PLD5: variants seen among roughly 807,000 people sequenced by gnomAD.
PLD5 encodes the protein inactive phospholipase D5.
In PLD5, 36 loss-of-function variants were observed where a neutral mutation model predicts 61.1. The observed-to-expected ratio is 0.59, with a 90% confidence interval of 0.45 to 0.78. The LOEUF (loss-of-function observed/expected upper bound fraction) is 0.78, where lower values mean the gene tolerates loss of function less well. PLD5 is among the 30% of genes least tolerant of loss of function. The pLI is 0.00. For synonymous variants in PLD5, 243 were observed against 242.8 expected, an observed-to-expected ratio of 1.00 and a Z score of -0.01; for missense variants, 515 against 644.4, an observed-to-expected ratio of 0.80 and a Z score of 2.17.
chr1:242,266,101 C>T (rs1673652510), intron 3 of PLD5, among the ~76,000 whole-genome samples: 1 of 152,190 alleles, frequency 6.6e-6, no homozygotes, highest in South Asian at 2.1e-4. Context: ...TTCAGCCAGG[C>T]ATGGTGGTTC....
At position 242,234,864 on chromosome 1, in the gene PLD5, G is replaced by A. The variant is rs117568713; in HGVS notation, c.608-14749C>T. Among the ~76,000 whole-genome samples, 1,011 of 152,194 alleles carry A rather than the reference G, an allele frequency of 6.6e-3. 21 individuals are homozygous for A. The highest frequency in any genetic ancestry group is 0.056 in the East Asian group (290 of 5,166). On this transcript the variant is annotated intron_variant, in intron 4 of 9. Coordinates refer to ENST00000536534, the MANE Select transcript of PLD5 (RefSeq NM_001372062.1). ...GAAAGGCTCTGAAGAAAAGTCCTGT[G>A]GATGGCATCTCTAGTTAGTTCCTGG... is the stretch of plus-strand genomic sequence containing the variant.
intron 5 of PLD5, among the ~76,000 whole-genome samples, chr1:242,163,853 GGAGAAAGGAAACAGTA>G (rs1666091588): frequency 6.6e-6 from 1 of 152,104 alleles, no homozygotes; most frequent in Non-Finnish European, 1.5e-5. Context: ...TCTCTTCACT[GGAGAAAGGAAACAGTA>G]TCCTTTATTT....
chr1:242,125,703 T>A (rs948932575), intron 5 of PLD5, among the ~76,000 whole-genome samples: 2 of 152,198 alleles, frequency 1.3e-5, no homozygotes, highest in African/African-American at 4.8e-5. Flanking sequence ...GGCCCATTGA[T>A]AGTAAACTCC....
At chr1:242,374,478 A>G (rs1308122976) in intron 1 of PLD5, among the ~76,000 whole-genome samples, 2 of 152,098 alleles carry the variant, frequency 1.3e-5, no homozygotes, top group African/African-American at 2.4e-5. Context: ...CTGCTCGCCT[A>G]TCTCTCAATA....
chr1:242,286,594 TTGAC>T (rs1363191935), intron 3 of PLD5, among the ~76,000 whole-genome samples: 1 of 152,132 alleles, frequency 6.6e-6, no homozygotes, highest in Non-Finnish European at 1.5e-5. Flanking sequence ...CCCCTAGAAA[TTGAC>T]TGCCCCCACA....
chr1:242,275,660 G>A (rs889477322), intron 3 of PLD5, among the ~76,000 whole-genome samples: 1 of 152,148 alleles, frequency 6.6e-6, no homozygotes, highest in African/African-American at 2.4e-5. Context: ...TTCCAGGATG[G>A]AGGAAGACAG....
rs867013355 is a variant in PLD5 at position 242,313,550 on chromosome 1, T to C, written c.327-25020A>G. 3.3e-5 allele frequency among the ~76,000 whole-genome samples: 5 copies of C among 152,338 alleles called. No individual in the cohort carries two copies. In the Middle Eastern group the frequency reaches 0.01, roughly 311 times the overall value. On this transcript the variant is annotated intron_variant, in intron 2 of 9. Transcript: ENST00000536534. ...TTAATATAGGCCTGTCCAGGCTTAATGTGAATATACTCATGCTTGATAAAA... is the reference window on the plus strand; with the variant it reads ...TTAATATAGGCCTGTCCAGGCTTAACGTGAATATACTCATGCTTGATAAAA...
At chr1:242,269,285 C>G (rs1574642468) in intron 3 of PLD5, among the ~76,000 whole-genome samples, 2 of 152,326 alleles carry the variant, frequency 1.3e-5, no homozygotes, top group East Asian at 1.9e-4. Flanking sequence ...ATCAGTGTCT[C>G]AGGAACGCTG....
intron 9 of PLD5, among the ~76,000 whole-genome samples, chr1:242,095,224 C>T (rs1055463572): frequency 5.9e-5 from 9 of 151,790 alleles, no homozygotes; most frequent in East Asian, 2.0e-4. Flanking sequence ...CGTGAGCCAT[C>T]GCGTCCGGCA....
At chr1:242,226,944 AT>A (rs1558369636) in intron 4 of PLD5, among the ~76,000 whole-genome samples, 1 of 152,174 alleles carries the variant, frequency 6.6e-6, no homozygotes, top group African/African-American at 2.4e-5. Flanking sequence ...GGTTATTAAA[AT>A]TTTTTTAAAG....
At chr1:242,301,972 G>T (rs1574695955) in intron 2 of PLD5, among the ~76,000 whole-genome samples, 1 of 152,018 alleles carries the variant, frequency 6.6e-6, no homozygotes, top group Non-Finnish European at 1.5e-5. Context: ...GTAGAGACAG[G>T]GTTTCACCAT....
In PLD5 at chr1:242,249,983, T is replaced by C. The variant is rs1290569719; in HGVS notation, c.607+15354A>G. Among the ~76,000 whole-genome samples, 10 of 152,346 alleles carry C rather than the reference T, an allele frequency of 6.6e-5. No individual in the cohort carries two copies. In the East Asian group the frequency reaches 1.9e-3, roughly 29 times the overall value. ...TTAGCATAACATTTCAGAACCATCC[T>C]AAGCTTTAATTATAAAGAAATTCCT... is the stretch of plus-strand genomic sequence containing the variant. On this transcript the variant is annotated intron_variant, in intron 4 of 9. Transcript: ENST00000536534.
chr1:242,329,304 T>C (rs4658475), intron 2 of PLD5, among the ~76,000 whole-genome samples: 148,345 of 152,262 alleles, frequency 0.97, 72,369 homozygotes, highest in Non-Finnish European at 1. Context: ...GCCACTGTGC[T>C]CAGCCTTTTT....
intron 2 of PLD5, among the ~76,000 whole-genome samples, chr1:242,338,246 T>A (rs561198609): frequency 3.3e-4 from 50 of 152,264 alleles, no homozygotes; most frequent in Non-Finnish European, 6.3e-4. Context: ...TTTCTCTTTA[T>A]TTTTCTTCCC....
At chr1:242,160,224 T>C (rs1356174684) in intron 5 of PLD5, among the ~76,000 whole-genome samples, 1 of 152,160 alleles carries the variant, frequency 6.6e-6, no homozygotes, top group Non-Finnish European at 1.5e-5. Context: ...ACTCATTATG[T>C]TGCCTAGGCT....
intron 2 of PLD5, among the ~76,000 whole-genome samples, chr1:242,334,038 T>C (rs577824255): frequency 1.2e-4 from 19 of 152,260 alleles, no homozygotes; most frequent in South Asian, 1.0e-3. Flanking sequence ...CTGAATCAGA[T>C]GGTAGAGAAC....
intron 5 of PLD5, among the ~76,000 whole-genome samples, chr1:242,219,356 T>G (rs1258768509): frequency 6.6e-6 from 1 of 151,976 alleles, no homozygotes; most frequent in Non-Finnish European, 1.5e-5. Flanking sequence ...GAGGGGAGTA[T>G]GCTGGAGTGT....
In PLD5 at chr1:242,298,789, G is replaced by A. The variant is rs550829069; in HGVS notation, c.327-10259C>T. Among the ~76,000 whole-genome samples the A allele has an allele frequency of 7.9e-5, 12 of 152,258 alleles. No homozygotes were observed. The East Asian group carries it at 2.1e-3, about 27-fold the overall frequency. On this transcript the variant is annotated intron_variant, in intron 2 of 9. Transcript: ENST00000536534. ...AATCTTACTGACCAGGAAAACTGTG[G>A]TGACAGAAGGGCACACTTTTAACTG...
At chr1:242,436,424 A>G (rs1362305363) in intron 1 of PLD5, among the ~76,000 whole-genome samples, 8 of 152,188 alleles carry the variant, frequency 5.3e-5, no homozygotes. Context: ...GGGTCATTTT[A>G]TATCAAGATC....
Sources: allele counts gnomAD v4.1 joint callset (sites outside exome capture counted in the v4.1 genomes callset), GRCh38; gene constraint gnomAD v4.1.1; transcripts MANE v1.5; gene names NCBI Gene and HGNC (gene_info 2026-07-23, HGNC 2026-07-21).